Variants in C2orf80 observed in about 807,000 individuals in gnomAD.
C2orf80 encodes the protein chromosome 2 open reading frame 80, also known as uncharacterized protein C2orf80.
In C2orf80, 28 loss-of-function variants were observed where a neutral mutation model predicts 30.2. The observed-to-expected ratio is 0.93, with a 90% CI of 0.69 to 1.27. C2orf80 has a LOEUF of 1.27. Among genes scored for constraint, C2orf80 ranks in the 50% most tolerant of loss-of-function variants. The probability of loss-of-function intolerance (pLI) is 0.00; values close to 1 mark genes in which losing one functional copy is unlikely to be tolerated. For missense variants in C2orf80, 220 were observed against 231.0 expected (o/e 0.95, Z 0.31); for synonymous variants, 80 against 76.4 (o/e 1.05, Z -0.24).
chr2:208,176,428 G>A (rs555941605), intron 6 of C2orf80, among the ~76,000 whole-genome samples: 4 of 152,266 alleles, frequency 2.6e-5, no homozygotes, highest in East Asian at 1.9e-4. Context: ...CGCCCGCCTC[G>A]GCCTCCCAAA....
At chr2:208,171,929 T>C in intron 7 of C2orf80, 59 bp downstream of exon 7, 2 of 1,402,354 alleles carry the variant, frequency 1.4e-6, no homozygotes, top group East Asian at 2.3e-5. Context: ...GTGAGCCTAC[T>C]TCCTAATTTC....
rs773773881 is a variant in C2orf80 at position 208,171,978 on chromosome 2, C to G, written c.454+10G>C. 13 of 1,609,580 alleles carry G rather than the reference C, an allele frequency of 8.1e-6. No homozygotes were observed. The highest frequency in any genetic ancestry group is 1.3e-5 in the African/African-American group (1 of 74,804). On this transcript the variant is annotated intron_variant, in intron 7 of 8. Coordinates refer to ENST00000341287, the MANE Select transcript of C2orf80 (RefSeq NM_001099334.3). The stretch of plus-strand genomic sequence containing the variant: ...CATTCCTCTAAGCAGGTGAAAGTAA[C>G]CAGGCTTACTCTGTTTGCGGGCGTA...
chr2:208,176,489 C>A lies in C2orf80; in HGVS notation c.366+4256G>T, dbSNP rs566726681. On this transcript the variant is annotated intron_variant, in intron 6 of 8. Coordinates refer to ENST00000341287, the MANE Select transcript of C2orf80 (RefSeq NM_001099334.3). ...CGGCACCTGGCCGACATTTTTGTCA[C>A]AACTGGCGAGAAGCTCCTTGCATCT... Among the ~76,000 whole-genome samples the A allele has an allele frequency of 2.0e-5, 3 of 152,254 alleles. No homozygotes were observed. In the East Asian group the frequency reaches 5.8e-4, roughly 29 times the overall value.
rs1038051840 is a variant in C2orf80, at chr2:208,176,478, C to A, written c.366+4267G>T. 2.6e-5 allele frequency among the ~76,000 whole-genome samples: 4 copies of A among 152,114 alleles called. 1 individual carries two copies. The South Asian group carries it at 8.3e-4, about 31-fold the overall frequency. On this transcript the variant is annotated intron_variant, in intron 6 of 8. Coordinates refer to ENST00000341287, the MANE Select transcript of C2orf80 (RefSeq NM_001099334.3). ...GGCGTGAGCCACGGCACCTGGCCGACATTTTTGTCACAACTGGCGAGAAGC... is the reference window on the plus strand; with the variant it reads ...GGCGTGAGCCACGGCACCTGGCCGAAATTTTTGTCACAACTGGCGAGAAGC...
intron 3 of C2orf80, among the ~76,000 whole-genome samples, chr2:208,183,687 T>C (rs958961039): frequency 2.0e-4 from 30 of 151,872 alleles, no homozygotes; most frequent in African/African-American, 6.1e-4. Flanking sequence ...TGTCTACAGA[T>C]GGGGAAGGAA....
intron 6 of C2orf80, 107 bp from the exon 7 acceptor site, chr2:208,172,182 C>A: frequency 2.3e-6 from 2 of 880,630 alleles, no homozygotes; most frequent in Non-Finnish European, 3.9e-6. Flanking sequence ...TCCTTGAGTC[C>A]AATTGTTGAG....
intron 1 of C2orf80, among the ~76,000 whole-genome samples, chr2:208,188,181 A>G (rs983458747): frequency 2.0e-5 from 3 of 152,080 alleles, no homozygotes; most frequent in East Asian, 1.9e-4. Context: ...ATACTCAAAT[A>G]TAACAAAATG....
intron 8 of C2orf80, among the ~76,000 whole-genome samples, chr2:208,167,828 G>T (rs1220459920): frequency 6.7e-6 from 1 of 149,742 alleles, no homozygotes; most frequent in African/African-American, 2.4e-5. Context: ...TGCTCTCCTT[G>T]GCCTCCCAAA....
chr2:208,178,417 G>T (rs1696436197), intron 6 of C2orf80, among the ~76,000 whole-genome samples: 1 of 152,104 alleles, frequency 6.6e-6, no homozygotes, highest in South Asian at 2.1e-4. Flanking sequence ...GGGAAAAGGA[G>T]AAAGGGCAGC....
rs201035943 is a variant in C2orf80 at position 208,181,437 on chromosome 2, GGT to G, written c.207-134_207-133del. 1.1e-5 allele frequency: 6 copies of G among 565,336 alleles called. 1 individual carries two copies. Among genetic ancestry groups the G allele is most frequent in the South Asian group, 5.7e-5 (2 of 35,292 alleles). 35.0% of individuals were successfully genotyped at this position (565,336 alleles called of 1,614,324 possible). A position where few individuals can be genotyped will look rare whatever the true frequency, so the allele number is the denominator to read the frequency against. ...TCTGCTTATTTATATTAATAAAATTGGTATGATTGTTCCTCCATCGGTGAAAT... is the reference window on the plus strand; with the variant it reads ...TCTGCTTATTTATATTAATAAAATTGATGATTGTTCCTCCATCGGTGAAAT... On this transcript the variant is annotated intron_variant, in intron 4 of 8. Coordinates refer to ENST00000341287, the MANE Select transcript of C2orf80 (RefSeq NM_001099334.3).
chr2:208,178,279 C>A (rs551425905), intron 6 of C2orf80, among the ~76,000 whole-genome samples: 13 of 152,208 alleles, frequency 8.5e-5, no homozygotes, highest in African/African-American at 2.9e-4. Flanking sequence ...TGAGTTGGGA[C>A]CAACTAGTCA....
chr2:208,177,679 ATG>A (rs1457727942), intron 6 of C2orf80, among the ~76,000 whole-genome samples: 6 of 152,148 alleles, frequency 3.9e-5, no homozygotes, highest in Non-Finnish European at 8.8e-5. Flanking sequence ...AATGGGGACT[ATG>A]TGTCACTGAA....
chr2:208,174,972 T>C (rs1696233080), intron 6 of C2orf80, among the ~76,000 whole-genome samples: 1 of 152,170 alleles, frequency 6.6e-6, no homozygotes. Context: ...TGTTCTCTTT[T>C]CTTCAGGTTA....
chr2:208,178,007 AGGATTTCACC>A (rs1456367678), intron 6 of C2orf80, among the ~76,000 whole-genome samples: 1 of 151,690 alleles, frequency 6.6e-6, no homozygotes, highest in African/African-American at 2.4e-5. Flanking sequence ...TAGTAGAGAT[AGGATTTCACC>A]GTGTTGGCCA....
In C2orf80 at chr2:208,181,287, G is replaced by A. The variant is rs930602645; in HGVS notation, c.225C>T (p.Gly75=). The change falls in exon 5 of 9, where the codon GGC becomes GGT. Residue 75 remains glycine, a synonymous_variant. Coordinates refer to ENST00000341287, the MANE Select transcript of C2orf80 (RefSeq NM_001099334.3). Reference sequence around the variant, plus strand: ...CTCTACGATTTGGATATATGGGTCTGCCATGGAGTGGTATTTTCCTAATGG... The same window carrying A: ...CTCTACGATTTGGATATATGGGTCTACCATGGAGTGGTATTTTCCTAATGG... The part of the protein sequence containing the change: ...EWEELKIPLH[G]RPIYPNRRER... 6.2e-7 allele frequency: 1 copy of A among 1,608,368 alleles called. No individual in the cohort carries two copies. The highest frequency in any genetic ancestry group is 1.3e-5 in the African/African-American group (1 of 74,734).
intron 6 of C2orf80, among the ~76,000 whole-genome samples, chr2:208,172,419 C>A (rs146519376): frequency 6.6e-6 from 1 of 152,138 alleles, no homozygotes; most frequent in East Asian, 1.9e-4. Flanking sequence ...TGACCCCTTC[C>A]GAGAAATGTA....
intron 2 of C2orf80, 49 bp from the exon 3 acceptor site, chr2:208,185,081 G>C: frequency 6.9e-7 from 1 of 1,445,094 alleles, no homozygotes; most frequent in Non-Finnish European, 9.6e-7. Context: ...CACGGGCTCA[G>C]TCTGCAGAAA....
At chr2:208,179,158 G>A (rs1222414558) in intron 6 of C2orf80, among the ~76,000 whole-genome samples, 9 of 152,250 alleles carry the variant, frequency 5.9e-5, no homozygotes, top group South Asian at 4.1e-4. Context: ...GAATGAATGA[G>A]TGAGTGAATG....
intron 6 of C2orf80, among the ~76,000 whole-genome samples, chr2:208,175,156 C>G (rs1472619125): frequency 6.7e-6 from 1 of 149,510 alleles, no homozygotes; most frequent in Non-Finnish European, 1.5e-5. Context: ...CGCAGTGGCG[C>G]GCACCTGTAA....
Sources: allele counts gnomAD v4.1 joint callset (sites outside exome capture counted in the v4.1 genomes callset), GRCh38; gene constraint gnomAD v4.1.1; transcripts MANE v1.5; gene names NCBI Gene and HGNC (gene_info 2026-07-23, HGNC 2026-07-21).